Variants in AFG1L observed in about 807,000 individuals in gnomAD.
The protein encoded by AFG1L is AFG1 like ATPase, also known as AFG1-like ATPase.
A neutral mutation model predicts 62.2 loss-of-function variants in AFG1L; 53 were observed. The observed-to-expected ratio is 0.85, with a 90% CI of 0.68 to 1.07. AFG1L has a LOEUF of 1.07. AFG1L is among the 50% of genes least tolerant of loss of function. The pLI, the probability that AFG1L is intolerant of heterozygous loss-of-function variation, is 0.00. For missense variants in AFG1L, 555 were observed against 590.5 expected (o/e 0.94, Z 0.62); for synonymous variants, 228 against 210.3 (o/e 1.08, Z -0.73).
chr6:108,456,746 C>T (rs965335470), intron 8 of AFG1L, among the ~76,000 whole-genome samples: 3 of 151,974 alleles, frequency 2.0e-5, no homozygotes, highest in Non-Finnish European at 2.9e-5. Context: ...AATCATGCAC[C>T]GCATAGTAAT....
chr6:108,476,890 G>C lies in AFG1L; in HGVS notation c.916G>C (p.Val306Leu). The C allele has an allele frequency of 6.2e-7, 1 of 1,613,912 alleles. No homozygotes were observed. Among genetic ancestry groups the C allele is most frequent in the Non-Finnish European group, 8.5e-7 (1 of 1,179,812 alleles). ...YLTSEADVEA[V>L]MDKLFDELAQ... Reference sequence around the variant, plus strand: ...CACAAGTGAAGCTGATGTGGAGGCTGTCATGGATAAGTTGTTTGATGAGCT... The same window carrying C: ...CACAAGTGAAGCTGATGTGGAGGCTCTCATGGATAAGTTGTTTGATGAGCT... Residue 306 changes from valine to leucine, a missense_variant, in exon 9 of 13, where the codon GTC becomes CTC. Val to Leu is a conservative substitution (Grantham distance 32, BLOSUM62 1). Coordinates refer to ENST00000368977, the MANE Select transcript of AFG1L (RefSeq NM_145315.5).
At position 108,522,503 on chromosome 6, in the gene AFG1L, T is replaced by G. The variant is rs1349320624; in HGVS notation, c.*78T>G. The G allele has an allele frequency of 6.9e-7, 1 of 1,459,222 alleles. No individual in the cohort carries two copies. The highest frequency in any genetic ancestry group is 1.4e-5 in the African/African-American group (1 of 70,924). The allele number at this position is 1,459,222 out of a possible 1,614,324, so 90.4% of individuals were successfully genotyped here. A position where few individuals can be genotyped will look rare whatever the true frequency, so the allele number is the denominator to read the frequency against. On this transcript the variant is annotated 3_prime_UTR_variant, in exon 13 of 13. Transcript: ENST00000368977. ...CTCCTTATTGTGGGACTTGAAGGAATCATTTTCTCATCATTAATTATGCAC... is the reference window on the plus strand; with the variant it reads ...CTCCTTATTGTGGGACTTGAAGGAAGCATTTTCTCATCATTAATTATGCAC...
intron 7 of AFG1L, among the ~76,000 whole-genome samples, chr6:108,439,216 A>G (rs1562161993): frequency 6.6e-6 from 1 of 152,214 alleles, no homozygotes; most frequent in Non-Finnish European, 1.5e-5. Context: ...AGAAAATGAT[A>G]ACTTGAACAA....
intron 11 of AFG1L, among the ~76,000 whole-genome samples, chr6:108,516,712 G>T (rs1297287262): frequency 6.6e-6 from 1 of 152,132 alleles, no homozygotes; most frequent in Non-Finnish European, 1.5e-5. Context: ...AAGTCAAATT[G>T]TCCCTGTTTG....
chr6:108,332,941 A>G (rs1251623548), intron 2 of AFG1L, among the ~76,000 whole-genome samples: 1 of 152,176 alleles, frequency 6.6e-6, no homozygotes, highest in Non-Finnish European at 1.5e-5. Flanking sequence ...AAAGTCCAAT[A>G]TATATGTTCA....
At chr6:108,416,829 C>G (rs138120066) in intron 7 of AFG1L, among the ~76,000 whole-genome samples, 2 of 151,776 alleles carry the variant, frequency 1.3e-5, no homozygotes, top group Admixed American at 1.3e-4. Context: ...ATGTAAATGA[C>G]GAGTTAATGG....
intron 8 of AFG1L, among the ~76,000 whole-genome samples, chr6:108,470,224 C>T (rs1772831166): frequency 6.6e-6 from 1 of 152,230 alleles, no homozygotes; most frequent in Non-Finnish European, 1.5e-5. Flanking sequence ...CTTCCCTCAT[C>T]ACTTGCCTTT....
At chr6:108,314,586 A>G (rs1196876287) in intron 1 of AFG1L, among the ~76,000 whole-genome samples, 3 of 151,878 alleles carry the variant, frequency 2.0e-5, no homozygotes, top group Admixed American at 2.0e-4. Flanking sequence ...TTTAGTAGAA[A>G]CGGGGTTTCA....
chr6:108,515,281 A>G (rs1774832015), intron 11 of AFG1L, among the ~76,000 whole-genome samples: 1 of 152,204 alleles, frequency 6.6e-6, no homozygotes, highest in Admixed American at 6.5e-5. Context: ...AAAGAACAGA[A>G]ATTATATAAC....
intron 2 of AFG1L, among the ~76,000 whole-genome samples, chr6:108,327,377 C>A (rs1778088142): frequency 6.6e-6 from 1 of 152,202 alleles, no homozygotes; most frequent in South Asian, 2.1e-4. Flanking sequence ...GCTTCTATAA[C>A]AAAATACCAT....
At chr6:108,387,778 C>G (rs895606083) in intron 6 of AFG1L, 1 of 152,050 alleles carries the variant, frequency 6.6e-6, no homozygotes, top group Non-Finnish European at 1.5e-5. Context: ...TTATAGTTGA[C>G]AAATGTGTGC....
At chr6:108,516,654 C>A (rs1774906906) in intron 11 of AFG1L, among the ~76,000 whole-genome samples, 1 of 152,122 alleles carries the variant, frequency 6.6e-6, no homozygotes, top group Admixed American at 6.5e-5. Flanking sequence ...CTGGCCAGGG[C>A]AATCGGGCAG....
chr6:108,319,301 C>A (rs1258861006), intron 1 of AFG1L, among the ~76,000 whole-genome samples: 1 of 152,158 alleles, frequency 6.6e-6, no homozygotes, highest in African/African-American at 2.4e-5. Flanking sequence ...AGTGCAGTAG[C>A]ATGATCTCCA....
chr6:108,376,240 T>C (rs1189020618), intron 6 of AFG1L, among the ~76,000 whole-genome samples: 2 of 152,178 alleles, frequency 1.3e-5, no homozygotes, highest in Non-Finnish European at 2.9e-5. Flanking sequence ...CTATAGATCT[T>C]GTTTATCCTT....
intron 7 of AFG1L, among the ~76,000 whole-genome samples, chr6:108,429,949 A>T (rs1770997763): frequency 6.6e-6 from 1 of 151,742 alleles, no homozygotes; most frequent in African/African-American, 2.4e-5. Context: ...GTTATTATGT[A>T]TTTATTTATT....
At chr6:108,393,428 T>G (rs748881867) in intron 6 of AFG1L, among the ~76,000 whole-genome samples, 3 of 152,106 alleles carry the variant, frequency 2.0e-5, no homozygotes, top group Non-Finnish European at 4.4e-5. Flanking sequence ...GAATTCTGTT[T>G]AGAATACATT....
chr6:108,331,738 C>T (rs1024176017), intron 2 of AFG1L, among the ~76,000 whole-genome samples: 1 of 152,154 alleles, frequency 6.6e-6, no homozygotes, highest in African/African-American at 2.4e-5. Context: ...TACTTTTACA[C>T]AGCCAAATCA....
intron 7 of AFG1L, among the ~76,000 whole-genome samples, chr6:108,433,082 C>T (rs1031150844): frequency 7.9e-5 from 12 of 152,026 alleles, no homozygotes; most frequent in Non-Finnish European, 2.9e-5. Flanking sequence ...GAAATCCTGC[C>T]GTGGGATGAA....
At chr6:108,507,261 T>C (rs1286098305) in intron 10 of AFG1L, among the ~76,000 whole-genome samples, 1 of 152,206 alleles carries the variant, frequency 6.6e-6, no homozygotes, top group Non-Finnish European at 1.5e-5. Context: ...AGTACATTCA[T>C]ATTGTTGTGC....
Sources: allele counts gnomAD v4.1 joint callset (sites outside exome capture counted in the v4.1 genomes callset), GRCh38; gene constraint gnomAD v4.1.1; transcripts MANE v1.5; gene names NCBI Gene and HGNC (gene_info 2026-07-23, HGNC 2026-07-21).